Variants in AVL9 observed in about 807,000 individuals in gnomAD.
AVL9 encodes the protein late secretory pathway protein AVL9 homolog.
Under a neutral mutation model 79.2 loss-of-function variants are expected in AVL9, and 49 were observed. The observed-to-expected ratio is 0.62, with a 90% CI of 0.49 to 0.79. AVL9 has a LOEUF of 0.79. Among genes scored for constraint, AVL9 ranks in the 30% least tolerant of loss-of-function variants. AVL9 has a pLI of 0.00. For missense variants in AVL9, 682 were observed against 776.8 expected, an observed-to-expected ratio of 0.88 and a Z score of 1.45; for synonymous variants, 299 against 280.6, an observed-to-expected ratio of 1.07 and a Z score of -0.65.
At chr7:32,508,891 T>G (rs1011421537) in intron 1 of AVL9, among the ~76,000 whole-genome samples, 2 of 152,246 alleles carry the variant, frequency 1.3e-5, no homozygotes. Flanking sequence ...TTTTGATACC[T>G]GGTAAAGAAG....
intron 6 of AVL9, 78 bp from the exon 7 acceptor site, chr7:32,553,649 T>G: frequency 4.0e-6 from 4 of 997,770 alleles, no homozygotes; most frequent in Non-Finnish European, 6.1e-6. Context: ...CCTTTCTTTC[T>G]GTTAAGGGGG....
At chr7:32,558,795 G>T (rs1583574686) in intron 9 of AVL9, 134 bp from the exon 10 acceptor site, 3 of 1,049,900 alleles carry the variant, frequency 2.9e-6, no homozygotes, top group Middle Eastern at 3.2e-4. Flanking sequence ...GCTTCTTTCT[G>T]TTCTTTTTGT....
chr7:32,575,224 G>A (rs748091485), intron 12 of AVL9, among the ~76,000 whole-genome samples: 2 of 151,982 alleles, frequency 1.3e-5, no homozygotes, highest in South Asian at 2.1e-4. Flanking sequence ...TCAGCCTCCC[G>A]AGTAGCTGGG....
At chr7:32,507,791 C>A (rs2128115741) in intron 1 of AVL9, among the ~76,000 whole-genome samples, 1 of 152,254 alleles carries the variant, frequency 6.6e-6, no homozygotes, top group South Asian at 2.1e-4. Flanking sequence ...ATAGGGAATA[C>A]CTGTCTTCGC....
chr7:32,538,994 A>AT (rs1248503271), intron 1 of AVL9: 9 of 152,304 alleles, frequency 5.9e-5, no homozygotes, highest in Non-Finnish European at 1.2e-4. Flanking sequence ...GCTCACGCCT[A>AT]TAATCCCAGC....
chr7:32,499,020 G>GGA (rs1465843812), intron 1 of AVL9, among the ~76,000 whole-genome samples: 51,192 of 73,520 alleles, frequency 0.7, 25,563 homozygotes, highest in Middle Eastern at 0.72. Flanking sequence ...AAAATTAGCT[G>GGA]CGCGTGGTGG....
chr7:32,553,895 T>C (rs924956244), intron 7 of AVL9, 128 bp downstream of exon 7: 24 of 599,410 alleles, frequency 4.0e-5, no homozygotes, highest in Non-Finnish European at 5.9e-5. Flanking sequence ...ATACCATGCT[T>C]TAGTTCTTCT....
At position 32,558,945 on chromosome 7, in the gene AVL9, T is replaced by C. The variant is rs777811823; in HGVS notation, c.696T>C (p.Gly232=). ...ATATTTTAGGCATGATTGAACATGG[T>C]CTCAGTGACTGTTCTCAGTATAGAC... ...LSLFPGMIEH[G]LSDCSQYRPR... is the part of the protein sequence containing the mutation. Residue 232 remains glycine, a synonymous_variant, in exon 10 of 16, where the codon GGT becomes GGC. Coordinates refer to ENST00000318709, the MANE Select transcript of AVL9 (RefSeq NM_015060.3). 5 of 1,586,440 alleles carry C rather than the reference T, an allele frequency of 3.2e-6. No homozygotes were observed. In the South Asian group the frequency reaches 4.7e-5, roughly 15 times the overall value.
chr7:32,519,927 A>T lies in AVL9; in HGVS notation c.94-23214A>T, dbSNP rs1788069479. On this transcript the variant is annotated intron_variant, in intron 1 of 15. Transcript: ENST00000318709. Reference sequence around the variant, plus strand: ...GCACATCTTCACATGTGGAAGTGTGAGAGAGAGAGTGCAAAGGGGAAAGTG... The same window carrying T: ...GCACATCTTCACATGTGGAAGTGTGTGAGAGAGAGTGCAAAGGGGAAAGTG... Among the ~76,000 whole-genome samples the T allele has an allele frequency of 6.6e-5, 10 of 152,236 alleles. No homozygotes were observed. In the South Asian group the frequency reaches 2.1e-3, roughly 32 times the overall value.
At chr7:32,563,951 A>G (rs1790442044) in intron 10 of AVL9, among the ~76,000 whole-genome samples, 1 of 152,142 alleles carries the variant, frequency 6.6e-6, no homozygotes, top group Non-Finnish European at 1.5e-5. Context: ...GGTTTCTCAG[A>G]CTACTGGTAA....
chr7:32,539,870 T>G (rs1789094690), intron 1 of AVL9, among the ~76,000 whole-genome samples: 1 of 152,254 alleles, frequency 6.6e-6, no homozygotes, highest in Non-Finnish European at 1.5e-5. Flanking sequence ...TTCTTCCATC[T>G]TTAAAGCCAA....
intron 1 of AVL9, among the ~76,000 whole-genome samples, chr7:32,513,494 A>G (rs1583496914): frequency 1.3e-5 from 2 of 152,324 alleles, no homozygotes; most frequent in Middle Eastern, 6.8e-3. Context: ...TCTTTCAACC[A>G]ATTGCCAATC....
chr7:32,512,965 G>C (rs1224311003), intron 1 of AVL9, among the ~76,000 whole-genome samples: 1 of 152,192 alleles, frequency 6.6e-6, no homozygotes, highest in Non-Finnish European at 1.5e-5. Context: ...GGATCCATGA[G>C]GAGGCATGGA....
intron 15 of AVL9, chr7:32,581,701 T>C (rs2128157677): frequency 6.6e-6 from 1 of 152,330 alleles, no homozygotes; most frequent in East Asian, 1.9e-4. Context: ...GGCATGGTGG[T>C]GTGTGCCTGC....
intron 1 of AVL9, among the ~76,000 whole-genome samples, chr7:32,541,903 C>T (rs372646953): frequency 6.6e-6 from 1 of 151,856 alleles, no homozygotes; most frequent in East Asian, 1.9e-4. Context: ...TTAGTAGGGA[C>T]GGGATTTCAC....
chr7:32,507,827 C>T (rs10238940), intron 1 of AVL9, among the ~76,000 whole-genome samples: 51,933 of 152,042 alleles, frequency 0.34, 9,145 homozygotes, highest in South Asian at 0.44. Flanking sequence ...AATTGTTTTC[C>T]GAAACAGTGG....
chr7:32,517,358 C>T (rs1021494438), intron 1 of AVL9, among the ~76,000 whole-genome samples: 2 of 149,728 alleles, frequency 1.3e-5, no homozygotes, highest in Non-Finnish European at 3.0e-5. Flanking sequence ...CAGGCTAGAG[C>T]GCAGTGGCAT....
At chr7:32,563,570 C>T (rs1439067005) in intron 10 of AVL9, among the ~76,000 whole-genome samples, 1 of 149,954 alleles carries the variant, frequency 6.7e-6, no homozygotes, top group Non-Finnish European at 1.5e-5. Context: ...CATCTGTGAT[C>T]TTGCAGTCTA....
At chr7:32,498,858 C>T (rs1271668409) in intron 1 of AVL9, among the ~76,000 whole-genome samples, 1 of 151,352 alleles carries the variant, frequency 6.6e-6, no homozygotes, top group Non-Finnish European at 1.5e-5. Flanking sequence ...GATAATTTAA[C>T]ATTTAACAAG....
Sources: gnomAD v4.1 joint callset for allele counts (sites outside exome capture counted in the v4.1 genomes callset) on GRCh38, gnomAD v4.1.1 for gene constraint, MANE v1.5 for transcripts, NCBI Gene and HGNC (gene_info 2026-07-23, HGNC 2026-07-21) for gene names.